MTMR12: variants seen among roughly 807,000 people sequenced by gnomAD.
MTMR12 encodes myotubularin-related protein 12.
MTMR12 carries 33 observed loss-of-function variants against 96.7 expected under a neutral mutation model. The observed-to-expected ratio is 0.34, with a 90% confidence interval of 0.26 to 0.46. The LOEUF (loss-of-function observed/expected upper bound fraction) is 0.46, where lower values mean the gene tolerates loss of function less well. Among genes scored for constraint, MTMR12 ranks in the 20% least tolerant of loss-of-function variants. The pLI is 1.00. For synonymous variants in MTMR12, 298 were observed against 327.2 expected, an observed-to-expected ratio of 0.91 and a Z score of 0.96; for missense variants, 721 against 896.1, an observed-to-expected ratio of 0.80 and a Z score of 2.49.
intron 1 of MTMR12, among the ~76,000 whole-genome samples, chr5:32,290,355 T>C (rs560286254): frequency 5.9e-5 from 9 of 152,288 alleles, no homozygotes; most frequent in East Asian, 1.9e-4. Flanking sequence ...AATGGACTTA[T>C]TGGTGAGACA....
chr5:32,275,664 A>T (rs1477372675), intron 2 of MTMR12, among the ~76,000 whole-genome samples: 1 of 152,164 alleles, frequency 6.6e-6, no homozygotes. Context: ...TTAACTGTGA[A>T]CTCACCGCTG....
intron 1 of MTMR12, among the ~76,000 whole-genome samples, chr5:32,298,442 C>G (rs1405714181): frequency 6.6e-6 from 1 of 152,154 alleles, no homozygotes; most frequent in Middle Eastern, 3.2e-3. Context: ...TAACATACTG[C>G]CCAAACCCCA....
intron 15 of MTMR12, chr5:32,232,832 GGTCCCCA>G: frequency 2.1e-6 from 1 of 487,172 alleles, no homozygotes. Context: ...GGCTCACCCA[GGTCCCCA>G]GTCCTCTTTA....
intron 4 of MTMR12, among the ~76,000 whole-genome samples, chr5:32,271,611 A>ATT (rs1749835401): frequency 6.6e-6 from 1 of 152,244 alleles, no homozygotes; most frequent in South Asian, 2.1e-4. Context: ...CGTGTGAAGT[A>ATT]TTAAAAAGAA....
intron 15 of MTMR12, among the ~76,000 whole-genome samples, chr5:32,232,790 G>A (rs775739298): frequency 3.9e-5 from 6 of 152,232 alleles, no homozygotes; most frequent in Non-Finnish European, 7.3e-5. Context: ...ATTCTGAGTC[G>A]TTCAGCAGCC....
chr5:32,243,413 G>T, intron 11 of MTMR12, 108 bp downstream of exon 11: 1 of 747,890 alleles, frequency 1.3e-6, no homozygotes, highest in Non-Finnish European at 2.2e-6. Context: ...TGTGATCTAA[G>T]AATATTTAAC....
chr5:32,287,567 A>G (rs1424273489), intron 1 of MTMR12, among the ~76,000 whole-genome samples: 3 of 152,214 alleles, frequency 2.0e-5, no homozygotes, highest in Non-Finnish European at 4.4e-5. Context: ...ACATCCTGTT[A>G]GTTCTGTCCA....
chr5:32,236,064 T>G (rs1186273355), intron 13 of MTMR12, among the ~76,000 whole-genome samples: 1 of 152,188 alleles, frequency 6.6e-6, no homozygotes, highest in Non-Finnish European at 1.5e-5. Context: ...ACACTTCATT[T>G]TATGCATAAT....
chr5:32,248,780 G>A lies in MTMR12; in HGVS notation c.888C>T (p.Phe296=), dbSNP rs1283735427. The A allele has an allele frequency of 6.2e-7, 1 of 1,613,732 alleles. No individual in the cohort carries two copies. The highest frequency in any genetic ancestry group is 8.5e-7 in the Non-Finnish European group (1 of 1,179,730). Residue 296 remains phenylalanine, a synonymous_variant, in exon 9 of 16, where the codon TTC becomes TTT. Transcript: ENST00000382142. ...DDGILQIQKS[F]LDGIYKTIHR... is the part of the protein sequence containing the mutation. ...GTAGAACTAGTACTGACCCATCTAAGAAGCTCTTTTGGATTTGTAAAATGC... is the reference window on the plus strand; with the variant it reads ...GTAGAACTAGTACTGACCCATCTAAAAAGCTCTTTTGGATTTGTAAAATGC...
chr5:32,264,760 A>G (rs1238304618), intron 6 of MTMR12, among the ~76,000 whole-genome samples: 1 of 152,054 alleles, frequency 6.6e-6, no homozygotes, highest in African/African-American at 2.4e-5. Context: ...CACCCAGCCT[A>G]TATTACATTT....
chr5:32,266,055 T>G (rs1157103209), intron 6 of MTMR12, among the ~76,000 whole-genome samples: 1 of 152,130 alleles, frequency 6.6e-6, no homozygotes, highest in Non-Finnish European at 1.5e-5. Flanking sequence ...CCAATCCCTC[T>G]GCCCAAAATA....
chr5:32,285,357 C>CAA lies in MTMR12; in HGVS notation c.82-8617_82-8616dup, dbSNP rs35792337. ...TGGGTGACAGAGCGAGATTCCATTT[C>CAA]AAAAAAAAAAAAAAAAAGAGGGAAC... On this transcript the variant is annotated intron_variant, in intron 1 of 15. Coordinates refer to ENST00000382142, the MANE Select transcript of MTMR12 (RefSeq NM_001040446.3). Among the ~76,000 whole-genome samples, 42 of 109,688 alleles carry CAA rather than the reference C, an allele frequency of 3.8e-4. No homozygotes were observed. In the South Asian group the frequency reaches 6.7e-3, roughly 17 times the overall value. 72.0% of individuals were successfully genotyped at this position (109,688 alleles called of 152,430 possible).
intron 1 of MTMR12, among the ~76,000 whole-genome samples, chr5:32,304,275 G>A (rs146404137): frequency 0.018 from 2,691 of 151,744 alleles, 86 homozygotes; most frequent in African/African-American, 0.06. Flanking sequence ...AGCCAAGATC[G>A]CGCCATTACA....
At chr5:32,237,909 G>A (rs1026667310) in intron 13 of MTMR12, among the ~76,000 whole-genome samples, 10 of 151,784 alleles carry the variant, frequency 6.6e-5, no homozygotes, top group Non-Finnish European at 1.2e-4. Flanking sequence ...TTGGGAGGCT[G>A]AGGCAGGTGG....
chr5:32,232,494 A>G (rs1321068410), intron 15 of MTMR12, among the ~76,000 whole-genome samples: 1 of 152,178 alleles, frequency 6.6e-6, no homozygotes, highest in Admixed American at 6.5e-5. Flanking sequence ...GAAATCCATT[A>G]TTGGAAGGGG....
chr5:32,266,101 A>G (rs976082690), intron 6 of MTMR12, among the ~76,000 whole-genome samples: 4 of 152,150 alleles, frequency 2.6e-5, no homozygotes, highest in Non-Finnish European at 5.9e-5. Context: ...ACTATCTGCT[A>G]AGGCCCAGAC....
At chr5:32,290,920 C>G (rs562626333) in intron 1 of MTMR12, among the ~76,000 whole-genome samples, 2 of 152,214 alleles carry the variant, frequency 1.3e-5, no homozygotes, top group Non-Finnish European at 2.9e-5. Context: ...GTCAAGTCAC[C>G]ATGCGACCTG....
chr5:32,268,912 AT>A, intron 5 of MTMR12, 118 bp from the exon 6 acceptor site: 1 of 692,852 alleles, frequency 1.4e-6, no homozygotes, highest in South Asian at 1.8e-5. Context: ...TGGACAACAT[AT>A]TAATTCTCAT....
At chr5:32,283,294 C>T (rs967766814) in intron 1 of MTMR12, among the ~76,000 whole-genome samples, 55 of 152,168 alleles carry the variant, frequency 3.6e-4, no homozygotes, top group African/African-American at 1.2e-3. Context: ...AATCTGTGAA[C>T]GCCAAAGTCT....
Sources: allele counts gnomAD v4.1 joint callset (sites outside exome capture counted in the v4.1 genomes callset), GRCh38; gene constraint gnomAD v4.1.1; transcripts MANE v1.5; gene names NCBI Gene and HGNC (gene_info 2026-07-23, HGNC 2026-07-21).